The following PIK3CB variants were observed in gnomAD, a reference collection of about 807,000 sequenced individuals.
PIK3CB encodes the protein phosphatidylinositol-4,5-bisphosphate 3-kinase catalytic subunit beta.
In PIK3CB, 39 loss-of-function variants were observed where a neutral mutation model predicts 136.8. The ratio of observed to expected loss-of-function variants is 0.29; its 90% CI spans 0.22 to 0.37. The LOEUF (loss-of-function observed/expected upper bound fraction) is 0.37, where lower values mean the gene tolerates loss of function less well. Ranked by LOEUF, PIK3CB falls within the 10% of genes least tolerant of loss-of-function variation. The probability of loss-of-function intolerance (pLI) is 1.00; values close to 1 mark genes in which losing one functional copy is unlikely to be tolerated. For synonymous variants in PIK3CB, 428 were observed against 436.6 expected (o/e 0.98, Z 0.25); for missense variants, 868 against 1,275.4 (o/e 0.68, Z 4.87).
chr3:138,667,963 G>A (rs887844874), intron 19 of PIK3CB, among the ~76,000 whole-genome samples: 16 of 151,640 alleles, frequency 1.1e-4, no homozygotes, highest in Non-Finnish European at 2.4e-4. Flanking sequence ...AGCTACTCAG[G>A]AGGCTGAGGC....
At position 138,737,844 on chromosome 3, in the gene PIK3CB, T is replaced by C; in HGVS notation, c.664A>G (p.Lys222Glu). 1 of 1,608,610 alleles carries C rather than the reference T, an allele frequency of 6.2e-7. No homozygotes were observed. Among genetic ancestry groups the C allele is most frequent in the South Asian group, 1.1e-5 (1 of 90,362 alleles). The stretch of plus-strand genomic sequence containing the variant: ...TTTTGGATTGCCAATTCATTTACTT[T>C]GATAGGATTCATATTAGGAGACACT... ...FQVSPNMNPI[K>E]VNELAIQKRL... The change falls in exon 6 of 24, where the codon AAA becomes GAA. Residue 222 changes from lysine to glutamate, a missense_variant. Coordinates refer to ENST00000674063, the MANE Select transcript of PIK3CB (RefSeq NM_006219.3).
intron 2 of PIK3CB, among the ~76,000 whole-genome samples, chr3:138,771,935 A>AAG (rs1215448375): frequency 6.6e-6 from 1 of 151,956 alleles, no homozygotes; most frequent in East Asian, 1.9e-4. Context: ...AAAAAAAAAA[A>AAG]AAAAATTTGC....
chr3:138,813,098 A>T (rs1933149312), intron 1 of PIK3CB, among the ~76,000 whole-genome samples: 1 of 152,102 alleles, frequency 6.6e-6, no homozygotes, highest in South Asian at 2.1e-4. Context: ...CTGCATGTGA[A>T]TCTACAATTA....
intron 2 of PIK3CB, among the ~76,000 whole-genome samples, chr3:138,779,086 CTTTTTT>C (rs63042260): frequency 9.9e-6 from 1 of 100,874 alleles, no homozygotes; most frequent in Non-Finnish European, 2.1e-5. Context: ...TATGTCATTT[CTTTTTT>C]TTTTTTTTTT....
intron 1 of PIK3CB, among the ~76,000 whole-genome samples, chr3:138,831,214 G>A (rs1312809663): frequency 2.0e-5 from 3 of 150,736 alleles, no homozygotes; most frequent in African/African-American, 7.3e-5. Flanking sequence ...GTGAACCCAG[G>A]AGGTGTGAAC....
chr3:138,742,411 C>G, intron 5 of PIK3CB, 147 bp downstream of exon 5: 1 of 576,852 alleles, frequency 1.7e-6, no homozygotes, highest in Non-Finnish European at 3.1e-6. Flanking sequence ...TATATATAAT[C>G]CTAAATACAT....
chr3:138,805,294 C>T (rs2046220843), intron 1 of PIK3CB, among the ~76,000 whole-genome samples: 2 of 151,888 alleles, frequency 1.3e-5, no homozygotes, highest in South Asian at 4.1e-4. Flanking sequence ...GATCGTGACA[C>T]TGCACTCCAG....
intron 1 of PIK3CB, among the ~76,000 whole-genome samples, chr3:138,803,528 C>G (rs900282248): frequency 2.0e-5 from 3 of 152,130 alleles, no homozygotes; most frequent in African/African-American, 4.8e-5. Flanking sequence ...TACCTTGATG[C>G]TTAACAAATA....
chr3:138,678,071 G>C (rs2108466074), intron 19 of PIK3CB, among the ~76,000 whole-genome samples: 1 of 152,184 alleles, frequency 6.6e-6, no homozygotes, highest in South Asian at 2.1e-4. Flanking sequence ...CCAGGAGTTT[G>C]AGACCAGAGA....
At chr3:138,692,372 A>G (rs361055) in intron 14 of PIK3CB, among the ~76,000 whole-genome samples, 77,268 of 152,120 alleles carry the variant, frequency 0.51, 22,220 homozygotes, top group East Asian at 0.98. Context: ...GATCACTGCC[A>G]TCTCCTCAGA....
At chr3:138,726,690 A>G (rs994938040) in intron 8 of PIK3CB, among the ~76,000 whole-genome samples, 3 of 152,214 alleles carry the variant, frequency 2.0e-5, no homozygotes, top group African/African-American at 7.2e-5. Flanking sequence ...ACTTTAGGCA[A>G]CACTGAGTTC....
intron 10 of PIK3CB, among the ~76,000 whole-genome samples, chr3:138,709,675 T>TA (rs1287574154): frequency 2.0e-5 from 3 of 152,218 alleles, no homozygotes; most frequent in Non-Finnish European, 4.4e-5. Flanking sequence ...TATTATTTTT[T>TA]ATCATACATT....
chr3:138,785,547 T>C (rs2045972732), intron 2 of PIK3CB, among the ~76,000 whole-genome samples: 1 of 152,216 alleles, frequency 6.6e-6, no homozygotes. Flanking sequence ...AAACATGTGC[T>C]GTGTCCACTC....
intron 2 of PIK3CB, among the ~76,000 whole-genome samples, chr3:138,764,597 A>T (rs1268925180): frequency 6.6e-5 from 10 of 152,084 alleles, no homozygotes; most frequent in Admixed American, 6.5e-4. Context: ...AGACTAATTT[A>T]AAAATTGAAT....
In PIK3CB at chr3:138,653,218, T is replaced by C; in HGVS notation, c.*2171A>G. On this transcript the variant is annotated 3_prime_UTR_variant, in exon 24 of 24. Coordinates refer to ENST00000674063, the MANE Select transcript of PIK3CB (RefSeq NM_006219.3). ...ATTCAAAATTTCCATAGATTTCTAT[T>C]TGTGGAACCCAATAAATCTGAAATG... 1 of 179,358 alleles carries C rather than the reference T, an allele frequency of 5.6e-6. No homozygotes were observed. Among genetic ancestry groups the C allele is most frequent in the East Asian group, 9.3e-5 (1 of 10,726 alleles). 11.1% of individuals were successfully genotyped at this position (179,358 alleles called of 1,614,324 possible).
At chr3:138,659,374 C>T (rs959496190) in intron 21 of PIK3CB, among the ~76,000 whole-genome samples, 4 of 151,996 alleles carry the variant, frequency 2.6e-5, no homozygotes, top group African/African-American at 4.8e-5. Context: ...CTTGACTGGG[C>T]GTGGTGGCGC....
chr3:138,741,519 T>C (rs1242989520), intron 5 of PIK3CB, among the ~76,000 whole-genome samples: 1 of 152,172 alleles, frequency 6.6e-6, no homozygotes, highest in Non-Finnish European at 1.5e-5. Flanking sequence ...TTCACAGTAA[T>C]TCAAGAACAA....
intron 19 of PIK3CB, among the ~76,000 whole-genome samples, chr3:138,678,023 A>G (rs1176829566): frequency 2.0e-5 from 3 of 152,200 alleles, no homozygotes; most frequent in African/African-American, 7.2e-5. Context: ...CTGTAATCCC[A>G]GATACTTGTA....
chr3:138,707,173 G>A lies in PIK3CB; in HGVS notation c.1516C>T (p.Pro506Ser). The A allele has an allele frequency of 1.9e-6, 3 of 1,581,170 alleles. No homozygotes were observed. The highest frequency in any genetic ancestry group is 2.6e-6 in the Non-Finnish European group (3 of 1,151,706). Residue 506 changes from proline (P) to serine (S), a missense_variant, in exon 11 of 24, where the codon CCT becomes TCT. Physicochemically the swap from Pro to Ser is moderately conservative, Grantham distance 74. This residue lies in a region of PIK3CB where 612 missense variants were observed against 801.1 expected (regional missense o/e 0.76). Coordinates refer to ENST00000674063, the MANE Select transcript of PIK3CB (RefSeq NM_006219.3). ...AATTAGCTTACCTTATCGAAGGGAGGGTAATAATAAGGTTGTTTTTTATTC... is the reference window on the plus strand; with the variant it reads ...AATTAGCTTACCTTATCGAAGGGAGAGTAATAATAAGGTTGTTTTTTATTC... ...PENKKQPYYY[P>S]PFDKIIEKAA... is the part of the protein sequence containing the mutation.
Sources: gnomAD v4.1 joint callset for allele counts (sites outside exome capture counted in the v4.1 genomes callset) on GRCh38, gnomAD v4.1.1 for gene constraint, gnomAD v4.1.1 regional missense constraint, MANE v1.5 for transcripts, NCBI Gene and HGNC (gene_info 2026-07-23, HGNC 2026-07-21) for gene names.